GMEB2: variants seen among roughly 807,000 people sequenced by gnomAD.
GMEB2 encodes the protein glucocorticoid modulatory element-binding protein 2.
In GMEB2, 7 loss-of-function variants were observed where a neutral mutation model predicts 45.7. The ratio of observed to expected loss-of-function variants is 0.15; its 90% confidence interval spans 0.09 to 0.29. The LOEUF is 0.29. GMEB2 is among the 10% of genes least tolerant of loss of function. The pLI is 1.00. For synonymous variants in GMEB2, 322 were observed against 323.6 expected (o/e 1.00, Z 0.05); for missense variants, 582 against 739.2 (o/e 0.79, Z 2.47).
At chr20:63,602,035 T>C (rs1434163742) in intron 4 of GMEB2, among the ~76,000 whole-genome samples, 1 of 152,180 alleles carries the variant, frequency 6.6e-6, no homozygotes, top group Non-Finnish European at 1.5e-5. Context: ...CTGTGGCTTC[T>C]GTGCAGCCTG....
rs1189075341 is a variant in GMEB2 at position 63,592,495 on chromosome 20, G to A, written c.829+38C>T. The A allele has an allele frequency of 6.4e-7, 1 of 1,565,224 alleles. No homozygotes were observed. The highest frequency in any genetic ancestry group is 1.7e-5 in the Admixed American group (1 of 58,124). ...CCTCACCTCCTGCAGAGACTCCTGGGCTGAGTAGCCAGCAAGAGGGAAGAT... is the reference window on the plus strand; with the variant it reads ...CCTCACCTCCTGCAGAGACTCCTGGACTGAGTAGCCAGCAAGAGGGAAGAT... On this transcript the variant is annotated intron_variant, in intron 8 of 9. Coordinates refer to ENST00000370077, the MANE Select transcript of GMEB2 (RefSeq NM_012384.5). The surrounding 1 kb of genome is among the most constrained non-coding windows in gnomAD (Gnocchi z 8.2).
At chr20:63,610,892 C>G (rs549705008) in intron 2 of GMEB2, among the ~76,000 whole-genome samples, 15 of 152,188 alleles carry the variant, frequency 9.9e-5, no homozygotes, top group Non-Finnish European at 2.1e-4. Flanking sequence ...CGAGGCCCTA[C>G]GAGGACTCTG....
chr20:63,620,320 A>C (rs1213458555), intron 1 of GMEB2, among the ~76,000 whole-genome samples: 1 of 152,158 alleles, frequency 6.6e-6, no homozygotes, highest in Non-Finnish European at 1.5e-5. Flanking sequence ...AGACAGGGGA[A>C]TCTTCCTCCT....
Position 63,595,722 on chromosome 20 carries a change from C to G in GMEB2, c.507G>C (p.Lys169Asn). The G allele has an allele frequency of 6.2e-7, 1 of 1,613,680 alleles. No individual in the cohort carries two copies. Among genetic ancestry groups the G allele is most frequent in the Non-Finnish European group, 8.5e-7 (1 of 1,179,576 alleles). ...TGCTGCGGCAGGTGTTGGAGCAGACCTTGTCATGCTGGTAGAAGTCCAGTT... is the reference window on the plus strand; with the variant it reads ...TGCTGCGGCAGGTGTTGGAGCAGACGTTGTCATGCTGGTAGAAGTCCAGTT... Reference protein sequence around the residue: ...SGELDFYQHDKVCSNTCRSTK... With the variant: ...SGELDFYQHDNVCSNTCRSTK... Residue 169 changes from lysine (K) to asparagine (N), a missense_variant, in exon 6 of 10, where the codon AAG becomes AAC. Lys to Asn is a moderately conservative substitution (Grantham distance 94, BLOSUM62 0). Around this residue, in one of 3 missense-constraint regions of GMEB2, gnomAD observed 462 missense variants for 586.7 expected, o/e 0.79. Coordinates refer to ENST00000370077, the MANE Select transcript of GMEB2 (RefSeq NM_012384.5).
At chr20:63,591,448 G>C (rs771603022) in intron 9 of GMEB2, among the ~76,000 whole-genome samples, 5 of 150,984 alleles carry the variant, frequency 3.3e-5, no homozygotes, top group Non-Finnish European at 7.4e-5. Context: ...GCGGGGTCAG[G>C]ACCAGCCCTT....
chr20:63,610,043 T>C (rs2089557327), intron 2 of GMEB2, among the ~76,000 whole-genome samples: 1 of 152,252 alleles, frequency 6.6e-6, no homozygotes, highest in African/African-American at 2.4e-5. Context: ...GTTCCCACAC[T>C]GGCATGAGGG....
chr20:63,611,030 G>A (rs2089566022), intron 2 of GMEB2, among the ~76,000 whole-genome samples: 1 of 152,224 alleles, frequency 6.6e-6, no homozygotes, highest in Admixed American at 6.5e-5. Context: ...GCGAGGCCCA[G>A]CAGCACCAGC....
chr20:63,625,114 T>C (rs984134078), intron 1 of GMEB2, among the ~76,000 whole-genome samples: 6 of 152,224 alleles, frequency 3.9e-5, no homozygotes, highest in African/African-American at 9.6e-5. Flanking sequence ...AGAAGCACTA[T>C]AGAATAGAGC....
intron 9 of GMEB2, among the ~76,000 whole-genome samples, 177 bp downstream of exon 9, chr20:63,591,845 G>T (rs2146043693): frequency 6.6e-6 from 1 of 152,378 alleles, no homozygotes; most frequent in African/African-American, 2.4e-5. Flanking sequence ...GGAGAGGTCT[G>T]ACTACCTCAC....
Position 63,601,869 on chromosome 20 carries a change from C to CT in GMEB2, c.357+1095dup, listed in dbSNP as rs1473004057. 4.2e-5 allele frequency among the ~76,000 whole-genome samples: 6 copies of CT among 143,438 alleles called. No homozygotes were observed. In the East Asian group the frequency reaches 1.0e-3, roughly 25 times the overall value. The allele number at this position is 143,438 out of a possible 152,430, so 94.1% of individuals were successfully genotyped here. A position where few individuals can be genotyped will look rare whatever the true frequency, so the allele number is the denominator to read the frequency against. On this transcript the variant is annotated intron_variant, in intron 4 of 9. Coordinates refer to ENST00000370077, the MANE Select transcript of GMEB2 (RefSeq NM_012384.5). ...CCTGTGGCTTCCGTGGGGCCTGTGG[C>CT]TTCCGTGCTGCCTGTGGCTTCCGTG...
At position 63,627,099 on chromosome 20, in the gene GMEB2, A is replaced by G. The variant is rs1297502756; in HGVS notation, c.-201T>C. ...GCGGCGGCGCGGGCGCGCGCTTCCT[A>G]GTGACGCAGGCGGCGGGGCCGCGCA... On this transcript the variant is annotated 5_prime_UTR_variant, in exon 1 of 10. Transcript: ENST00000370077. 1 of 152,578 alleles carries G rather than the reference A, an allele frequency of 6.6e-6. No individual in the cohort carries two copies. The highest frequency in any genetic ancestry group is 1.5e-5 in the Non-Finnish European group (1 of 68,380). The allele number at this position is 152,578 out of a possible 1,614,324, so 9.5% of individuals were successfully genotyped here.
intron 2 of GMEB2, among the ~76,000 whole-genome samples, chr20:63,610,264 G>C (rs1055375892): frequency 6.6e-5 from 10 of 152,210 alleles, no homozygotes; most frequent in Non-Finnish European, 1.0e-4. Context: ...GCTCACACCT[G>C]TAATCCCAGC....
chr20:63,594,802 G>C (rs1569048704), intron 6 of GMEB2, among the ~76,000 whole-genome samples: 1 of 152,042 alleles, frequency 6.6e-6, no homozygotes, highest in Non-Finnish European at 1.5e-5. Context: ...AGGCTGGAGG[G>C]CAGTGGAGCG....
intron 9 of GMEB2, 129 bp downstream of exon 9, chr20:63,591,893 C>T (rs540349371): frequency 1.2e-3 from 868 of 741,052 alleles, no homozygotes; most frequent in Non-Finnish European, 1.6e-3. Flanking sequence ...AACAGCAGTG[C>T]GGAGAAGCTC....
At chr20:63,626,686 A>C (rs1291407841) in intron 1 of GMEB2, among the ~76,000 whole-genome samples, 1 of 150,892 alleles carries the variant, frequency 6.6e-6, no homozygotes, top group Admixed American at 6.6e-5. Flanking sequence ...TCCACCGAGG[A>C]GGCCGCTGGA....
intron 5 of GMEB2, among the ~76,000 whole-genome samples, chr20:63,596,561 G>C (rs1293373792): frequency 2.0e-5 from 3 of 152,240 alleles, no homozygotes; most frequent in Non-Finnish European, 4.4e-5. Context: ...AAAATCAGAG[G>C]CCAGTTCAGC....
Position 63,590,087 on chromosome 20 carries a change from G to A in GMEB2, c.*2C>T, listed in dbSNP as rs763935412. On this transcript the variant is annotated 3_prime_UTR_variant, in exon 10 of 10. Transcript: ENST00000370077. ...GTCCCAGGGGCCTCGCCCTCCTGTC[G>A]GCTACTTCCGCTCGTGGTCCTCTGC... The A allele has an allele frequency of 8.7e-6, 13 of 1,500,704 alleles. No individual in the cohort carries two copies. The highest frequency in any genetic ancestry group is 1.4e-5 in the African/African-American group (1 of 71,396). The allele number at this position is 1,500,704 out of a possible 1,614,324, so 93.0% of individuals were successfully genotyped here. A position where few individuals can be genotyped will look rare whatever the true frequency, so the allele number is the denominator to read the frequency against.
intron 2 of GMEB2, among the ~76,000 whole-genome samples, chr20:63,612,370 G>T (rs942349016): frequency 6.6e-6 from 1 of 152,270 alleles, no homozygotes. Context: ...CGCTCAGTAG[G>T]GGAGGGGAAG....
intron 4 of GMEB2, among the ~76,000 whole-genome samples, chr20:63,599,336 G>T (rs1388123029): frequency 1.3e-5 from 2 of 152,226 alleles, no homozygotes; most frequent in East Asian, 3.9e-4. Context: ...GACTGGTCGG[G>T]TGACCCACGT....
Sources: allele counts gnomAD v4.1 joint callset (sites outside exome capture counted in the v4.1 genomes callset), GRCh38; gene constraint gnomAD v4.1.1; regional missense constraint gnomAD v4.1.1; non-coding constraint Gnocchi (gnomAD v3.1); transcripts MANE v1.5; gene names NCBI Gene and HGNC (gene_info 2026-07-23, HGNC 2026-07-21).